PTPN9: variants seen among roughly 807,000 people sequenced by gnomAD.
PTPN9 encodes the protein protein tyrosine phosphatase non-receptor type 9.
Under a neutral mutation model 69.8 loss-of-function variants are expected in PTPN9, and 26 were observed. The observed-to-expected ratio is 0.37, with a 90% confidence interval of 0.27 to 0.52. The LOEUF (loss-of-function observed/expected upper bound fraction) is 0.52, where lower values mean the gene tolerates loss of function less well. Ranked by LOEUF, PTPN9 falls within the 20% of genes least tolerant of loss-of-function variation. The pLI is 0.91. For missense variants in PTPN9, 549 were observed against 740.3 expected, an observed-to-expected ratio of 0.74 and a Z score of 3.00; for synonymous variants, 274 against 272.5, an observed-to-expected ratio of 1.01 and a Z score of -0.05.
At chr15:75,485,841 C>G (rs1195629394) in intron 8 of PTPN9, among the ~76,000 whole-genome samples, 1 of 151,230 alleles carries the variant, frequency 6.6e-6, no homozygotes, top group East Asian at 2.0e-4. Flanking sequence ...TGGCTCACGC[C>G]TGTAATCCCA....
At chr15:75,576,221 ACT>A (rs1335047021) in intron 1 of PTPN9, among the ~76,000 whole-genome samples, 1 of 150,804 alleles carries the variant, frequency 6.6e-6, no homozygotes, top group East Asian at 2.0e-4. Flanking sequence ...ACAGAGCAAG[ACT>A]CAGTTAAAAA....
At chr15:75,575,450 T>C (rs556330579) in intron 1 of PTPN9, among the ~76,000 whole-genome samples, 1 of 152,230 alleles carries the variant, frequency 6.6e-6, no homozygotes, top group Admixed American at 6.5e-5. Flanking sequence ...TTTCCTACAC[T>C]GAAGAAATTT....
intron 8 of PTPN9, among the ~76,000 whole-genome samples, chr15:75,489,115 C>T (rs922049104): frequency 1.1e-4 from 14 of 132,536 alleles, no homozygotes; most frequent in Admixed American, 9.9e-4. Context: ...GTGGAGCTTG[C>T]GGTGAGCCAA....
chr15:75,469,698 C>A, intron 12 of PTPN9, 94 bp downstream of exon 12: 1 of 1,380,554 alleles, frequency 7.2e-7, no homozygotes, highest in Non-Finnish European at 1.0e-6. Flanking sequence ...AAGTGAGTTC[C>A]TTCTCCAATC....
chr15:75,504,008 C>T (rs1442938632), intron 7 of PTPN9, among the ~76,000 whole-genome samples: 1 of 136,066 alleles, frequency 7.3e-6, no homozygotes, highest in Non-Finnish European at 1.6e-5. Flanking sequence ...CCGGGCCAGC[C>T]GCCCCGTCCG....
In PTPN9 at chr15:75,490,258, AG is replaced by A; in HGVS notation, c.1011del (p.Cys338AlafsTer7). The stretch of plus-strand genomic sequence containing the variant: ...AGCTTCACTCTAGTTTGGTCCAGGC[AG>A]GGTACATCCCCATAACGGTTTTTCT... Reference protein sequence around the residue: ...NLEKNRYGDVPCLDQTRVKLT... With the variant: ...NLEKNRYGDVXCLDQTRVKLT... On this transcript the variant is annotated frameshift_variant, in exon 8 of 13. Transcript: ENST00000618819. LOFTEE classifies it high-confidence loss of function. 6.2e-7 allele frequency: 1 copy of A among 1,613,884 alleles called. No individual in the cohort carries two copies. The highest frequency in any genetic ancestry group is 8.5e-7 in the Non-Finnish European group (1 of 1,179,758).
chr15:75,500,336 A>T (rs1006850682), intron 7 of PTPN9, among the ~76,000 whole-genome samples: 10 of 142,190 alleles, frequency 7.0e-5, no homozygotes, highest in South Asian at 4.4e-4. Flanking sequence ...TAAATAAACA[A>T]ACATACATAC....
intron 7 of PTPN9, among the ~76,000 whole-genome samples, chr15:75,503,795 G>C: frequency 8.6e-6 from 1 of 116,046 alleles, no homozygotes; most frequent in African/African-American, 3.4e-5. Flanking sequence ...CCCCCGTCCG[G>C]GAGGGAGGTG....
chr15:75,560,139 CAA>C (rs34674711), intron 1 of PTPN9, among the ~76,000 whole-genome samples: 3,161 of 132,210 alleles, frequency 0.024, 71 homozygotes, highest in East Asian at 0.12. Flanking sequence ...GACTCCATCT[CAA>C]AAAAAAAAAA....
chr15:75,578,911 G>C lies in PTPN9; in HGVS notation c.-135C>G. 1 of 467,054 alleles carries C rather than the reference G, an allele frequency of 2.1e-6. No individual in the cohort carries two copies. Among genetic ancestry groups the C allele is most frequent in the Non-Finnish European group, 3.2e-6 (1 of 313,458 alleles). The allele number at this position is 467,054 out of a possible 1,614,324, so 28.9% of individuals were successfully genotyped here. A position where few individuals can be genotyped will look rare whatever the true frequency, so the allele number is the denominator to read the frequency against. Reference sequence around the variant, plus strand: ...GCGCATAGTGTGGCCGGCAGGGCCCGGCGCCTGCAGCGGCCGCAAACGCCG... The same window carrying C: ...GCGCATAGTGTGGCCGGCAGGGCCCCGCGCCTGCAGCGGCCGCAAACGCCG... On this transcript the variant is annotated 5_prime_UTR_variant, in exon 1 of 13. Coordinates refer to ENST00000618819, the MANE Select transcript of PTPN9 (RefSeq NM_002833.4).
intron 7 of PTPN9, among the ~76,000 whole-genome samples, chr15:75,497,652 A>T (rs1308428228): frequency 6.6e-6 from 1 of 151,900 alleles, no homozygotes; most frequent in Non-Finnish European, 1.5e-5. Context: ...AATACAAAAA[A>T]TTAGCTGGGC....
intron 1 of PTPN9, among the ~76,000 whole-genome samples, chr15:75,560,793 G>A (rs1389334474): frequency 2.0e-5 from 3 of 152,182 alleles, no homozygotes; most frequent in Non-Finnish European, 4.4e-5. Flanking sequence ...GGCCAAGGCA[G>A]GTGGATCACA....
At chr15:75,483,745 T>C (rs2074657972) in intron 8 of PTPN9, among the ~76,000 whole-genome samples, 2 of 152,214 alleles carry the variant, frequency 1.3e-5, no homozygotes. Context: ...ATCAACTCAG[T>C]ATACCACTGG....
chr15:75,507,934 T>C (rs1193861707), intron 6 of PTPN9, among the ~76,000 whole-genome samples: 1 of 146,398 alleles, frequency 6.8e-6, no homozygotes, highest in Admixed American at 7.1e-5. Flanking sequence ...TCCCAGCTAC[T>C]CAGGAGGCTG....
chr15:75,545,397 C>T (rs747045680), intron 1 of PTPN9, among the ~76,000 whole-genome samples: 2 of 151,834 alleles, frequency 1.3e-5, no homozygotes, highest in African/African-American at 2.4e-5. Flanking sequence ...GTGAGACCCC[C>T]CCATCTCTAG....
intron 7 of PTPN9, among the ~76,000 whole-genome samples, chr15:75,494,852 C>T (rs1314590042): frequency 6.6e-6 from 1 of 151,398 alleles, no homozygotes; most frequent in Admixed American, 6.6e-5. Flanking sequence ...GGTGAAACTC[C>T]GTTTCTACCA....
chr15:75,528,140 T>C (rs1251748753), intron 1 of PTPN9, among the ~76,000 whole-genome samples: 1 of 152,176 alleles, frequency 6.6e-6, no homozygotes, highest in Non-Finnish European at 1.5e-5. Context: ...CAAAACTGGA[T>C]ACTAGTACCC....
intron 7 of PTPN9, among the ~76,000 whole-genome samples, chr15:75,503,169 G>A (rs2074783649): frequency 6.7e-6 from 1 of 150,146 alleles, no homozygotes; most frequent in Non-Finnish European, 1.5e-5. Context: ...CTGCCCGGCC[G>A]CCATCCCATC....
intron 1 of PTPN9, among the ~76,000 whole-genome samples, chr15:75,527,657 A>G (rs1362729657): frequency 6.6e-6 from 1 of 152,138 alleles, no homozygotes; most frequent in Non-Finnish European, 1.5e-5. Flanking sequence ...GTTCAAGACT[A>G]GCCTGACCAA....
Sources: allele counts gnomAD v4.1 joint callset (sites outside exome capture counted in the v4.1 genomes callset), GRCh38; gene constraint gnomAD v4.1.1; transcripts MANE v1.5; gene names NCBI Gene and HGNC (gene_info 2026-07-23, HGNC 2026-07-21).